Variants in TTLL7 observed in about 807,000 individuals in gnomAD.
The protein encoded by TTLL7 is tubulin tyrosine ligase like 7.
TTLL7 carries 53 observed loss-of-function variants against 120.2 expected under a neutral mutation model. The observed-to-expected ratio is 0.44, with a 90% CI of 0.35 to 0.55. The LOEUF (loss-of-function observed/expected upper bound fraction) is 0.55, where lower values mean the gene tolerates loss of function less well. Among genes scored for constraint, TTLL7 ranks in the 20% least tolerant of loss-of-function variants. TTLL7 has a pLI of 0.00. For missense variants in TTLL7, 803 were observed against 1,054.7 expected (o/e 0.76, Z 3.31); for synonymous variants, 353 against 351.7 (o/e 1.00, Z -0.04).
rs926634743 is a variant in TTLL7, at chr1:83,999,101, G to A, written c.-347C>T. 2.3e-6 allele frequency: 1 copy of A among 441,552 alleles called. No homozygotes were observed. Among genetic ancestry groups the A allele is most frequent in the Non-Finnish European group, 4.5e-6 (1 of 222,450 alleles). The allele number at this position is 441,552 out of a possible 1,614,324, so 27.4% of individuals were successfully genotyped here. The stretch of plus-strand genomic sequence containing the variant: ...ACCGCCCGTGGCAGCCACGGCTCGG[G>A]ACTCCGGTGCTCGACGCGGAGTGCC... On this transcript the variant is annotated 5_prime_UTR_variant, in exon 1 of 21. Transcript: ENST00000260505.
At chr1:83,934,766 C>A (rs1281068444) in intron 8 of TTLL7, among the ~76,000 whole-genome samples, 2 of 152,110 alleles carry the variant, frequency 1.3e-5, no homozygotes, top group African/African-American at 2.4e-5. Flanking sequence ...TCTTATGTTT[C>A]TTCCTGGCTT....
chr1:83,946,154 C>G (rs1648477406), intron 6 of TTLL7: 1 of 152,202 alleles, frequency 6.6e-6, no homozygotes, highest in Admixed American at 6.5e-5. Context: ...CAGGTTCACA[C>G]CATTCTCCTG....
chr1:83,959,027 T>C, intron 1 of TTLL7, among the ~76,000 whole-genome samples: 1 of 152,162 alleles, frequency 6.6e-6, no homozygotes, highest in East Asian at 1.9e-4. Context: ...ACTTAGGAAA[T>C]TATAACATGA....
At chr1:83,914,097 A>G (rs535920281) in intron 14 of TTLL7, among the ~76,000 whole-genome samples, 1 of 152,190 alleles carries the variant, frequency 6.6e-6, no homozygotes, top group Non-Finnish European at 1.5e-5. Context: ...ACAATGCCTC[A>G]ATATAGAGCA....
At chr1:83,991,169 T>C (rs187233016) in intron 1 of TTLL7, among the ~76,000 whole-genome samples, 23 of 152,176 alleles carry the variant, frequency 1.5e-4, no homozygotes, top group Non-Finnish European at 2.5e-4. Context: ...TAAAGTAGAA[T>C]AGTGGTTACC....
chr1:83,883,328 C>A (rs1654686214), intron 19 of TTLL7, among the ~76,000 whole-genome samples, 192 bp from the exon 20 acceptor site: 1 of 151,970 alleles, frequency 6.6e-6, no homozygotes, highest in Non-Finnish European at 1.5e-5. Context: ...AGAAATACAA[C>A]ATCAAATACA....
rs1197592322 is a variant in TTLL7 at position 83,868,500 on chromosome 1, T to C, written c.*1462A>G. 2 of 152,206 alleles carry C rather than the reference T, an allele frequency of 1.3e-5. No individual in the cohort carries two copies. Among genetic ancestry groups the C allele is most frequent in the Non-Finnish European group, 2.9e-5 (2 of 68,020 alleles). The allele number at this position is 152,206 out of a possible 1,614,324, so 9.4% of individuals were successfully genotyped here. On this transcript the variant is annotated 3_prime_UTR_variant, in exon 21 of 21. Transcript: ENST00000260505. ...GGACAAGAACACTTCGTTCTCTGTT[T>C]TGATTTTTTAAAAACCCTCAAGGGT...
chr1:83,985,659 G>A (rs1191024031), intron 1 of TTLL7, among the ~76,000 whole-genome samples: 1 of 151,668 alleles, frequency 6.6e-6, no homozygotes, highest in Non-Finnish European at 1.5e-5. Context: ...AGACCAACCT[G>A]GGCAACATAG....
intron 1 of TTLL7, among the ~76,000 whole-genome samples, chr1:83,976,660 A>G (rs1329065691): frequency 1.3e-5 from 2 of 152,110 alleles, no homozygotes; most frequent in Non-Finnish European, 2.9e-5. Flanking sequence ...GATGACATCA[A>G]AGGAGAAGGA....
At chr1:83,883,400 AGTGT>A (rs1300781633) in intron 19 of TTLL7, among the ~76,000 whole-genome samples, 4 of 151,832 alleles carry the variant, frequency 2.6e-5, no homozygotes, top group African/African-American at 9.7e-5. Flanking sequence ...TGAGAGAGAG[AGTGT>A]GTCTCACTAT....
At chr1:83,906,729 GGTCA>G (rs1490407887) in intron 16 of TTLL7, among the ~76,000 whole-genome samples, 1 of 151,824 alleles carries the variant, frequency 6.6e-6, no homozygotes, top group Non-Finnish European at 1.5e-5. Flanking sequence ...AGGACTTCCT[GGTCA>G]GTTTCATTTG....
chr1:83,936,732 A>T lies in TTLL7; in HGVS notation c.888+1120T>A, dbSNP rs1430153199. On this transcript the variant is annotated intron_variant, in intron 8 of 20. Transcript: ENST00000260505. ...TTGTTAGAGTCCCAACATTTTTAAA[A>T]TTTTTGAGTCCATTGCCAACATTTA... Among the ~76,000 whole-genome samples, 4 of 148,010 alleles carry T rather than the reference A, an allele frequency of 2.7e-5. No individual in the cohort carries two copies. In the East Asian group the frequency reaches 8.0e-4, roughly 30 times the overall value.
chr1:83,944,659 G>C (rs922890738), intron 6 of TTLL7, among the ~76,000 whole-genome samples: 1 of 152,182 alleles, frequency 6.6e-6, no homozygotes, highest in Non-Finnish European at 1.5e-5. Context: ...CGTGAGCCAA[G>C]ATCATGCCAC....
chr1:83,889,528 C>T (rs141030103), intron 19 of TTLL7, among the ~76,000 whole-genome samples: 1 of 152,140 alleles, frequency 6.6e-6, no homozygotes, highest in East Asian at 1.9e-4. Flanking sequence ...CTATCTGTGC[C>T]TCAGTTTCCT....
chr1:83,892,826 A>ACATATATATGAACGCATATGTGAT (rs1241323133), intron 18 of TTLL7, among the ~76,000 whole-genome samples: 13 of 151,986 alleles, frequency 8.6e-5, no homozygotes, highest in African/African-American at 3.1e-4. Flanking sequence ...GCATATGTGA[A>ACATATATATGAACGCATATGTGAT]CATATATATG....
intron 1 of TTLL7, among the ~76,000 whole-genome samples, chr1:83,972,323 T>C (rs930220870): frequency 3.9e-5 from 6 of 152,092 alleles, no homozygotes; most frequent in Admixed American, 3.9e-4. Context: ...TCCACAGTTT[T>C]GTCTTTTCTA....
chr1:83,899,002 T>C (rs1656480243), intron 18 of TTLL7, among the ~76,000 whole-genome samples: 1 of 151,992 alleles, frequency 6.6e-6, no homozygotes, highest in South Asian at 2.1e-4. Flanking sequence ...ATGATGTGTA[T>C]ATTTGTTAGG....
chr1:83,884,810 A>C (rs1654845814), intron 19 of TTLL7, among the ~76,000 whole-genome samples: 1 of 151,664 alleles, frequency 6.6e-6, no homozygotes, highest in African/African-American at 2.4e-5. Context: ...CCAGCATGGC[A>C]CATGTATACA....
chr1:83,959,156 T>C (rs980986900), intron 1 of TTLL7, among the ~76,000 whole-genome samples: 1 of 152,206 alleles, frequency 6.6e-6, no homozygotes, highest in Non-Finnish European at 1.5e-5. Flanking sequence ...ATCTGCAAAC[T>C]TCTTAGAAAT....
Sources: gnomAD v4.1 joint callset for allele counts (sites outside exome capture counted in the v4.1 genomes callset) on GRCh38, gnomAD v4.1.1 for gene constraint, MANE v1.5 for transcripts, NCBI Gene and HGNC (gene_info 2026-07-23, HGNC 2026-07-21) for gene names.